Variants in CFAP69 observed in about 807,000 individuals in gnomAD.
The protein encoded by CFAP69 is cilia- and flagella-associated protein 69.
A neutral mutation model predicts 123.0 loss-of-function variants in CFAP69; 92 were observed. The observed-to-expected ratio is 0.75, with a 90% CI of 0.63 to 0.89. The LOEUF is 0.89. Ranked by LOEUF, CFAP69 falls within the 40% of genes least tolerant of loss-of-function variation. The pLI, the probability that CFAP69 is intolerant of heterozygous loss-of-function variation, is 0.00. For synonymous variants in CFAP69, 380 were observed against 364.3 expected (o/e 1.04, Z -0.49); for missense variants, 1,067 against 1,096.9 (o/e 0.97, Z 0.39).
chr7:90,262,081 T>C (rs1259688547), intron 4 of CFAP69, 25 bp downstream of exon 4: 1 of 1,373,498 alleles, frequency 7.3e-7, no homozygotes, highest in Non-Finnish European at 1.0e-6. Context: ...TTTAACTTTA[T>C]TTTGTAGTAA....
chr7:90,258,273 G>T (rs11771963), intron 3 of CFAP69, 110 bp downstream of exon 3: 391,615 of 799,302 alleles, frequency 0.49, 100,472 homozygotes, highest in Non-Finnish European at 0.54. Context: ...CCATAAATTT[G>T]ATGGCTTAAA....
Position 90,250,187 on chromosome 7 carries a change from GGAGA to G in CFAP69, c.120+4688_120+4691del, listed in dbSNP as rs10527106. 4.4e-3 allele frequency among the ~76,000 whole-genome samples: 548 copies of G among 125,724 alleles called. 9 individuals carry two copies. Among genetic ancestry groups the G allele is most frequent in the Admixed American group, 6.9e-3 (85 of 12,398 alleles). 82.5% of individuals were successfully genotyped at this position (125,724 alleles called of 152,430 possible). On this transcript the variant is annotated intron_variant, in intron 1 of 22. Transcript: ENST00000389297. The stretch of plus-strand genomic sequence containing the variant: ...GGGAGACCCCCACTCTTTAAAGAGA[GGAGA>G]GAGAGAGAGAGAGAGAGAGAGAGAG...
chr7:90,265,201 A>G, intron 4 of CFAP69, 100 bp from the exon 5 acceptor site: 1 of 662,638 alleles, frequency 1.5e-6, no homozygotes, highest in Non-Finnish European at 2.6e-6. Context: ...TATTATTATT[A>G]ATTTATTCTT....
chr7:90,253,895 CA>C (rs1426271516), intron 1 of CFAP69, among the ~76,000 whole-genome samples: 4 of 152,038 alleles, frequency 2.6e-5, no homozygotes, highest in Non-Finnish European at 2.9e-5. Context: ...AGGTCCTACC[CA>C]AAAAAACCTG....
In CFAP69 at chr7:90,272,946, G is replaced by A. The variant is rs567832040; in HGVS notation, c.860+988G>A. Among the ~76,000 whole-genome samples, 5 of 152,306 alleles carry A rather than the reference G, an allele frequency of 3.3e-5. No homozygotes were observed. In the South Asian group the frequency reaches 1.0e-3, roughly 32 times the overall value. On this transcript the variant is annotated intron_variant, in intron 8 of 22. Coordinates refer to ENST00000389297, the MANE Select transcript of CFAP69 (RefSeq NM_001039706.3). ...AAAAAATGCTCTGACTGGCGAAAAG[G>A]CAGCTGAAGGCAGCCTCACAGGAGC...
At chr7:90,250,221 AGAGAGAGAGAGAGAC>A (rs1796829161) in intron 1 of CFAP69, among the ~76,000 whole-genome samples, 1 of 136,998 alleles carries the variant, frequency 7.3e-6, no homozygotes, top group South Asian at 2.5e-4. Flanking sequence ...AGAGAGAGAG[AGAGAGAGAGAGAGAC>A]TCCTTGGTTG....
intron 15 of CFAP69, among the ~76,000 whole-genome samples, chr7:90,292,742 A>C (rs972852414): frequency 1.9e-4 from 29 of 152,186 alleles, no homozygotes; most frequent in African/African-American, 6.8e-4. Context: ...TTAAGCAACA[A>C]GTTAAAAAAG....
chr7:90,250,217 A>AGAGAGAGAGAGAGAGG (rs1562832453), intron 1 of CFAP69, among the ~76,000 whole-genome samples: 21 of 151,298 alleles, frequency 1.4e-4, no homozygotes, highest in African/African-American at 5.1e-4. Flanking sequence ...AGAGAGAGAG[A>AGAGAGAGAGAGAGAGG]GAGAGAGAGA....
intron 3 of CFAP69, among the ~76,000 whole-genome samples, chr7:90,259,650 C>A (rs551108066): frequency 5.3e-5 from 8 of 152,116 alleles, no homozygotes; most frequent in African/African-American, 1.7e-4. Context: ...ACCCACCACA[C>A]CCAGTTAATT....
At chr7:90,287,674 G>C (rs1790503186) in intron 14 of CFAP69, 3 of 985,516 alleles carry the variant, frequency 3.0e-6, no homozygotes, top group Non-Finnish European at 3.6e-6. Flanking sequence ...ACCACCCTGT[G>C]CCTGGGCTCC....
chr7:90,283,553 G>A (rs1789801337), intron 13 of CFAP69, among the ~76,000 whole-genome samples: 1 of 152,062 alleles, frequency 6.6e-6, no homozygotes, highest in Non-Finnish European at 1.5e-5. Context: ...GAAATTATGT[G>A]TATCATAGAA....
At chr7:90,272,809 C>A (rs923200291) in intron 8 of CFAP69, among the ~76,000 whole-genome samples, 2 of 151,962 alleles carry the variant, frequency 1.3e-5, no homozygotes, top group South Asian at 2.1e-4. Context: ...AGAAGAGAAA[C>A]CTTGCTATCC....
At chr7:90,309,200 T>G (rs1794017341) in intron 21 of CFAP69, 63 bp from the exon 22 acceptor site, 1 of 768,980 alleles carries the variant, frequency 1.3e-6, no homozygotes, top group Admixed American at 2.7e-5. Context: ...TTTTTCATTG[T>G]AAGTACCATC....
At chr7:90,281,742 A>C (rs1463165383) in intron 12 of CFAP69, among the ~76,000 whole-genome samples, 2 of 152,212 alleles carry the variant, frequency 1.3e-5, no homozygotes, top group South Asian at 4.1e-4. Flanking sequence ...TAAAGGTATA[A>C]GAAAAGATCG....
At chr7:90,300,220 G>A in intron 17 of CFAP69, 161 bp downstream of exon 17, 1 of 1,123,062 alleles carries the variant, frequency 8.9e-7, no homozygotes, top group Non-Finnish European at 1.1e-6. Flanking sequence ...GTGACTGGAA[G>A]AAAACTAAGT....
chr7:90,288,032 A>G (rs1790559220), intron 14 of CFAP69, among the ~76,000 whole-genome samples: 1 of 152,124 alleles, frequency 6.6e-6, no homozygotes, highest in African/African-American at 2.4e-5. Flanking sequence ...CCCTCTTAAA[A>G]TGATTAATTT....
At chr7:90,293,531 C>A (rs1176741556) in intron 15 of CFAP69, among the ~76,000 whole-genome samples, 1 of 152,176 alleles carries the variant, frequency 6.6e-6, no homozygotes, top group Non-Finnish European at 1.5e-5. Context: ...CTTGCTTAAA[C>A]CTTCAGCTTT....
intron 2 of CFAP69, 45 bp from the exon 3 acceptor site, chr7:90,258,053 C>T: frequency 7.1e-7 from 1 of 1,399,484 alleles, no homozygotes; most frequent in Non-Finnish European, 9.9e-7. Context: ...AAAATCTCAA[C>T]AGATTTAAAA....
chr7:90,276,715 A>C (rs1432761214), intron 9 of CFAP69, among the ~76,000 whole-genome samples: 1 of 152,176 alleles, frequency 6.6e-6, no homozygotes, highest in African/African-American at 2.4e-5. Context: ...TTCCTCCCTT[A>C]CTGTGTCATT....
Sources: gnomAD v4.1 joint callset for allele counts (sites outside exome capture counted in the v4.1 genomes callset) on GRCh38, gnomAD v4.1.1 for gene constraint, MANE v1.5 for transcripts, NCBI Gene and HGNC (gene_info 2026-07-23, HGNC 2026-07-21) for gene names.